Variants in KREMEN1 observed in about 807,000 individuals in gnomAD.
The protein encoded by KREMEN1 is kringle containing transmembrane protein 1.
KREMEN1 carries 30 observed loss-of-function variants against 46.5 expected under a neutral mutation model. That is an observed-to-expected ratio of 0.65 (90% confidence interval 0.48 to 0.88). The LOEUF is 0.88. Ranked by LOEUF, KREMEN1 falls within the 40% of genes least tolerant of loss-of-function variation. The pLI is 0.00. For missense variants in KREMEN1, 533 were observed against 596.9 expected (o/e 0.89, Z 1.11); for synonymous variants, 214 against 230.6 (o/e 0.93, Z 0.65).
At chr22:29,099,773 C>T (rs1039412560) in intron 3 of KREMEN1, among the ~76,000 whole-genome samples, 1 of 152,112 alleles carries the variant, frequency 6.6e-6, no homozygotes, top group Non-Finnish European at 1.5e-5. Context: ...TGGTCTCGAT[C>T]TCTTGACCTC....
chr22:29,091,559 T>C (rs2037806683), intron 1 of KREMEN1, among the ~76,000 whole-genome samples: 1 of 152,202 alleles, frequency 6.6e-6, no homozygotes, highest in African/African-American at 2.4e-5. Context: ...ATTCTAGCAA[T>C]TGGCAAGGGT....
At chr22:29,109,756 G>C (rs763584384) in intron 3 of KREMEN1, among the ~76,000 whole-genome samples, 5 of 152,226 alleles carry the variant, frequency 3.3e-5, no homozygotes, top group Middle Eastern at 3.2e-3. Flanking sequence ...TTGGGGAAGA[G>C]AGGATGCGTG....
intron 1 of KREMEN1, among the ~76,000 whole-genome samples, chr22:29,086,146 T>C (rs1387268081): frequency 1.3e-5 from 2 of 152,038 alleles, no homozygotes; most frequent in Non-Finnish European, 2.9e-5. Flanking sequence ...ACCCCAGACT[T>C]TTGGACCTGA....
intron 3 of KREMEN1, among the ~76,000 whole-genome samples, chr22:29,108,940 C>T (rs1439399744): frequency 6.6e-6 from 1 of 152,184 alleles, no homozygotes; most frequent in African/African-American, 2.4e-5. Flanking sequence ...CAGGCGCACA[C>T]TACTATGCCT....
chr22:29,099,957 C>G (rs2037949294), intron 3 of KREMEN1, among the ~76,000 whole-genome samples: 1 of 152,184 alleles, frequency 6.6e-6, no homozygotes, highest in South Asian at 2.1e-4. Context: ...ATGCACCACA[C>G]AAAACAGACC....
chr22:29,083,763 C>T (rs967441933), intron 1 of KREMEN1, among the ~76,000 whole-genome samples: 2 of 151,822 alleles, frequency 1.3e-5, no homozygotes, highest in East Asian at 1.9e-4. Context: ...ACCTAGGAGG[C>T]GGATGTTGCA....
intron 3 of KREMEN1, among the ~76,000 whole-genome samples, chr22:29,110,280 T>C (rs2038126454): frequency 6.6e-6 from 1 of 152,204 alleles, no homozygotes; most frequent in Non-Finnish European, 1.5e-5. Flanking sequence ...TCAGACTTCT[T>C]ATACGGTGGC....
intron 3 of KREMEN1, 119 bp downstream of exon 3, chr22:29,099,072 A>G (rs1294679129): frequency 2.8e-6 from 2 of 714,504 alleles, no homozygotes; most frequent in Non-Finnish European, 4.9e-6. Flanking sequence ...AGCATGTGAA[A>G]GGAGAAGCCA....
At chr22:29,102,638 A>G (rs1290462365) in intron 3 of KREMEN1, among the ~76,000 whole-genome samples, 2 of 152,334 alleles carry the variant, frequency 1.3e-5, no homozygotes, top group East Asian at 3.9e-4. Context: ...TGGTCATTGA[A>G]ACCAGGTTCC....
chr22:29,148,372 C>T (rs767364036), downstream of KREMEN1, among the ~76,000 whole-genome samples: 1 of 152,126 alleles, frequency 6.6e-6, no homozygotes, highest in Non-Finnish European at 1.5e-5. Context: ...GAGGGAGTGC[C>T]TGGCAGGACC....
At chr22:29,129,833 A>G (rs1034154538) in intron 5 of KREMEN1, among the ~76,000 whole-genome samples, 5 of 152,214 alleles carry the variant, frequency 3.3e-5, no homozygotes, top group African/African-American at 1.2e-4. Flanking sequence ...ATGGACTTGG[A>G]GAGGTCACAG....
At chr22:29,146,896 G>A, downstream of KREMEN1, 1 of 628,532 alleles carries the variant, frequency 1.6e-6, no homozygotes, top group Non-Finnish European at 2.0e-6. Flanking sequence ...TCTGTGGTGG[G>A]ATTCCTGCCT....
intron 9 of KREMEN1, among the ~76,000 whole-genome samples, chr22:29,157,660 G>C (rs1165563444): frequency 6.6e-6 from 1 of 152,174 alleles, no homozygotes; most frequent in African/African-American, 2.4e-5. Context: ...TTGCCTCTGT[G>C]GCCAATGTCA....
At position 29,141,235 on chromosome 22, in the gene KREMEN1, GTGTGTGTGTGTGTGTCTGCATGTGCA is replaced by G. The variant is rs1260811979; in HGVS notation, c.1209-693_1209-668del. 8.9e-3 allele frequency among the ~76,000 whole-genome samples: 1,345 copies of G among 151,014 alleles called. 13 individuals are homozygous for G. The highest frequency in any genetic ancestry group is 0.031 in the African/African-American group (1,283 of 41,144). ...GTGGAAATAATGTCCTCGTGTGTGT[GTGTGTGTGTGTGTGTCTGCATGTGCA>G]TGTGTGTGTGTGTGTGTCTGTGTCT... On this transcript the variant is annotated intron_variant, in intron 8 of 8. Coordinates refer to ENST00000400335, the MANE Select transcript of KREMEN1 (RefSeq NM_001039570.3).
chr22:29,108,830 C>T (rs2038100196), intron 3 of KREMEN1, among the ~76,000 whole-genome samples: 1 of 152,174 alleles, frequency 6.6e-6, no homozygotes, highest in African/African-American at 2.4e-5. Context: ...TGCTCTGTTG[C>T]CCAGGCTGGA....
intron 3 of KREMEN1, among the ~76,000 whole-genome samples, chr22:29,105,455 G>A (rs1010468662): frequency 9.6e-5 from 13 of 135,132 alleles, no homozygotes; most frequent in Admixed American, 9.0e-4. Context: ...GCATGAGCGT[G>A]CGTGTGCGCA....
intron 3 of KREMEN1, among the ~76,000 whole-genome samples, chr22:29,109,660 T>C (rs2038112595): frequency 6.6e-6 from 1 of 152,090 alleles, no homozygotes; most frequent in Non-Finnish European, 1.5e-5. Context: ...AAGAGTTAAT[T>C]AGATGGGACT....
intron 1 of KREMEN1, among the ~76,000 whole-genome samples, chr22:29,085,744 G>C (rs991026090): frequency 6.6e-6 from 1 of 152,174 alleles, no homozygotes; most frequent in Admixed American, 6.5e-5. Context: ...GGAGGCAGAG[G>C]CAGGTGGATA....
intron 5 of KREMEN1, among the ~76,000 whole-genome samples, chr22:29,137,029 G>A (rs922859733): frequency 1.3e-5 from 2 of 152,186 alleles, no homozygotes; most frequent in South Asian, 2.1e-4. Context: ...AGAGGCCCGC[G>A]AGTGAAGTGC....
Sources: allele counts gnomAD v4.1 joint callset (sites outside exome capture counted in the v4.1 genomes callset), GRCh38; gene constraint gnomAD v4.1.1; transcripts MANE v1.5; gene names NCBI Gene and HGNC (gene_info 2026-07-23, HGNC 2026-07-21).